Variants in WASF3 observed in about 807,000 individuals in gnomAD.
WASF3 encodes the protein WASP family member 3.
Under a neutral mutation model 46.6 loss-of-function variants are expected in WASF3, and 11 were observed. That is an observed-to-expected ratio of 0.24 (90% CI 0.15 to 0.39). The LOEUF is 0.39. Ranked by LOEUF, WASF3 falls within the 10% of genes least tolerant of loss-of-function variation. The pLI is 1.00. For synonymous variants in WASF3, 242 were observed against 259.7 expected (o/e 0.93, Z 0.65); for missense variants, 576 against 669.8 (o/e 0.86, Z 1.55).
At chr13:26,671,784 C>T (rs751682979) in intron 5 of WASF3, 88 bp from the exon 6 acceptor site, 12 of 849,790 alleles carry the variant, frequency 1.4e-5, no homozygotes, top group South Asian at 9.1e-5. Flanking sequence ...GTTATAATTT[C>T]ATGAGTTCAA....
At chr13:26,633,034 T>C (rs1403122196) in intron 2 of WASF3, among the ~76,000 whole-genome samples, 1 of 152,138 alleles carries the variant, frequency 6.6e-6, no homozygotes, top group African/African-American at 2.4e-5. Flanking sequence ...TTTATCATTT[T>C]TTATTGTGTC....
chr13:26,581,616 G>T (rs1325649070), intron 1 of WASF3, among the ~76,000 whole-genome samples: 1 of 151,794 alleles, frequency 6.6e-6, no homozygotes, highest in Non-Finnish European at 1.5e-5. Flanking sequence ...TTTAAGAAAG[G>T]TTCTGCTTTA....
chr13:26,582,474 G>A (rs9512272), intron 1 of WASF3, among the ~76,000 whole-genome samples: 27,571 of 151,840 alleles, frequency 0.18, 2,797 homozygotes, highest in South Asian at 0.26. Flanking sequence ...TCAGGAGTTC[G>A]AGAACAGCCT....
At position 26,642,313 on chromosome 13, in the gene WASF3, C is replaced by G. The variant is rs767463812; in HGVS notation, c.43C>G (p.Arg15Gly). 5.0e-6 allele frequency: 8 copies of G among 1,605,142 alleles called. No homozygotes were observed. In the African/African-American group the frequency reaches 8.1e-5, roughly 16 times the overall value. ...KRNIEPRHLC[R>G]GALPEGITSE... ...GAACATTGAGCCCCGGCACTTGTGC[C>G]GGGGAGCTCTGCCTGAAGGGATTAC... is the stretch of plus-strand genomic sequence containing the variant. The change falls in exon 3 of 10, where the codon CGG becomes GGG. Residue 15 changes from arginine (R) to glycine (G), a missense_variant. Arg to Gly is a moderately radical substitution (Grantham distance 125). Coordinates refer to ENST00000335327, the MANE Select transcript of WASF3 (RefSeq NM_006646.6).
chr13:26,617,247 A>C (rs1325580398), intron 2 of WASF3, among the ~76,000 whole-genome samples: 1 of 151,316 alleles, frequency 6.6e-6, no homozygotes, highest in Non-Finnish European at 1.5e-5. Context: ...ATAAAAGTTC[A>C]TAATTGTCAT....
rs1340605229 is a variant in WASF3 at position 26,651,053 on chromosome 13, G to T, written c.133+8650G>T. 3.9e-5 allele frequency among the ~76,000 whole-genome samples: 6 copies of T among 152,288 alleles called. No individual in the cohort carries two copies. In the East Asian group the frequency reaches 1.2e-3, roughly 29 times the overall value. ...CTCAGCAAATTCCTGAAAGTATAAA[G>T]AAAACCACGTCATAATAAAATTGCT... On this transcript the variant is annotated intron_variant, in intron 3 of 9. Coordinates refer to ENST00000335327, the MANE Select transcript of WASF3 (RefSeq NM_006646.6).
At chr13:26,621,613 CAT>C (rs1482515064) in intron 2 of WASF3, among the ~76,000 whole-genome samples, 1 of 152,148 alleles carries the variant, frequency 6.6e-6, no homozygotes, top group Non-Finnish European at 1.5e-5. Context: ...CCTGTGGAAA[CAT>C]ACAGACCACA....
chr13:26,572,010 G>A (rs1337756471), intron 1 of WASF3, among the ~76,000 whole-genome samples: 1 of 152,118 alleles, frequency 6.6e-6, no homozygotes, highest in African/African-American at 2.4e-5. Flanking sequence ...GTTATTCTTT[G>A]TGTATGTGAA....
chr13:26,586,073 A>G (rs926540151), intron 1 of WASF3, among the ~76,000 whole-genome samples: 1 of 152,154 alleles, frequency 6.6e-6, no homozygotes, highest in Non-Finnish European at 1.5e-5. Flanking sequence ...TAGAATTATG[A>G]TGCCCCAAAA....
At chr13:26,667,463 A>G in intron 4 of WASF3, 54 bp from the exon 5 acceptor site, 1 of 1,515,096 alleles carries the variant, frequency 6.6e-7, no homozygotes, top group Non-Finnish European at 9.0e-7. Context: ...ATTTACTTCT[A>G]AACAGTTAAA....
the WASF3 span, among the ~76,000 whole-genome samples, chr13:26,546,137 A>C: frequency 6.6e-6 from 1 of 152,210 alleles, no homozygotes. Context: ...TTGGGATCAC[A>C]AAGACAAGGC....
intron 1 of WASF3, among the ~76,000 whole-genome samples, chr13:26,582,403 C>T (rs940462089): frequency 1.3e-5 from 2 of 151,934 alleles, no homozygotes; most frequent in Non-Finnish European, 2.9e-5. Flanking sequence ...GGGCCGGGCA[C>T]GGTGGCTCAC....
At chr13:26,614,998 C>A (rs1478424402) in intron 2 of WASF3, among the ~76,000 whole-genome samples, 1 of 151,886 alleles carries the variant, frequency 6.6e-6, no homozygotes, top group Non-Finnish European at 1.5e-5. Context: ...GAGGCAGATT[C>A]TGTTGGATGA....
chr13:26,638,345 G>T (rs1451138326), intron 2 of WASF3: 2 of 152,164 alleles, frequency 1.3e-5, no homozygotes. Flanking sequence ...TCACAGTTAG[G>T]TGAACCAGGT....
At chr13:26,595,179 T>C (rs2137190637) in intron 1 of WASF3, among the ~76,000 whole-genome samples, 1 of 152,330 alleles carries the variant, frequency 6.6e-6, no homozygotes, top group Admixed American at 6.5e-5. Flanking sequence ...AGGAGGAACG[T>C]ACTTTGACTT....
chr13:26,553,434 C>G (rs1200457671), upstream of WASF3, among the ~76,000 whole-genome samples: 1 of 151,782 alleles, frequency 6.6e-6, no homozygotes, highest in Non-Finnish European at 1.5e-5. Context: ...CTAGAATGAT[C>G]CAGACATTTT....
rs768209814 is a variant in WASF3 at position 26,681,226 on chromosome 13, G to C, written c.889G>C (p.Ala297Pro). Residue 297 changes from alanine to proline, a missense_variant, in exon 8 of 10, where the codon GCC becomes CCC. Around this residue, in one of 3 missense-constraint regions of WASF3, gnomAD observed 295 missense variants for 291.5 expected, o/e 1.01. Transcript: ENST00000335327. The stretch of plus-strand genomic sequence containing the variant: ...CCCATCTGCCTCGGCGAGGCACATG[G>C]CCCTCAACAGACCTCAGCAGCCGCC... ...RPPSASARHM[A>P]LNRPQQPPPP... The C allele has an allele frequency of 1.9e-6, 3 of 1,613,958 alleles. No homozygotes were observed. The highest frequency in any genetic ancestry group is 1.3e-5 in the African/African-American group (1 of 75,020).
At chr13:26,546,792 T>A in the WASF3 span, among the ~76,000 whole-genome samples, 1 of 152,246 alleles carries the variant, frequency 6.6e-6, no homozygotes, top group South Asian at 2.1e-4. Flanking sequence ...TGTGACTGAT[T>A]TGGCCCGCTG....
intron 1 of WASF3, among the ~76,000 whole-genome samples, chr13:26,559,310 T>A (rs971259308): frequency 1.2e-4 from 18 of 152,270 alleles, no homozygotes; most frequent in African/African-American, 4.1e-4. Flanking sequence ...CCTTCCAACC[T>A]GTGCTTATTC....
Sources: allele counts gnomAD v4.1 joint callset (sites outside exome capture counted in the v4.1 genomes callset), GRCh38; gene constraint gnomAD v4.1.1; regional missense constraint gnomAD v4.1.1; transcripts MANE v1.5; gene names NCBI Gene and HGNC (gene_info 2026-07-23, HGNC 2026-07-21).